B3GALNT1: variants seen among roughly 807,000 people sequenced by gnomAD.
B3GALNT1 encodes the protein beta-1,3-N-acetylgalactosaminyltransferase 1 (Globoside blood group).
In B3GALNT1, 17 loss-of-function variants were observed where a neutral mutation model predicts 27.3. The ratio of observed to expected loss-of-function variants is 0.62; its 90% CI spans 0.43 to 0.94. The LOEUF is 0.94. B3GALNT1 is among the 40% of genes least tolerant of loss of function. The pLI, the probability that B3GALNT1 is intolerant of heterozygous loss-of-function variation, is 0.00. For synonymous variants in B3GALNT1, 141 were observed against 144.0 expected (o/e 0.98, Z 0.15); for missense variants, 347 against 390.0 (o/e 0.89, Z 0.93).
intron 3 of B3GALNT1, chr3:161,103,038 A>G (rs1732219679): frequency 6.6e-6 from 1 of 152,220 alleles, no homozygotes; most frequent in Non-Finnish European, 1.5e-5. Context: ...GTTTTCCTGA[A>G]GAACCATGGT....
chr3:161,086,698 T>C lies in B3GALNT1; in HGVS notation c.57A>G (p.Lys19=). The change falls in exon 5 of 5, where the codon AAA becomes AAG. Residue 19 remains lysine, a synonymous_variant. Transcript: ENST00000320474. ...GGAGTGACAGCAGCAGGAGGCTCCA[T>C]TTGAGGGATCTCAGTGACATCCTAC... ...LPSRMSLRSL[K]WSLLLLSLLS... The C allele has an allele frequency of 1.2e-6, 2 of 1,614,138 alleles. No individual in the cohort carries two copies. The highest frequency in any genetic ancestry group is 1.7e-6 in the Non-Finnish European group (2 of 1,180,018).
intron 2 of B3GALNT1, 176 bp downstream of exon 2, chr3:161,104,143 G>A (rs1733007667): frequency 2.6e-6 from 1 of 378,698 alleles, no homozygotes; most frequent in Admixed American, 4.0e-5. Flanking sequence ...TTATCTGTTA[G>A]TAATAAACGA....
chr3:161,096,098 A>G (rs142434902), intron 4 of B3GALNT1, among the ~76,000 whole-genome samples: 2 of 152,360 alleles, frequency 1.3e-5, no homozygotes, highest in East Asian at 1.9e-4. Flanking sequence ...ATTCACTGCT[A>G]TATGTCCAGT....
intron 4 of B3GALNT1, among the ~76,000 whole-genome samples, chr3:161,093,552 A>T (rs545617069): frequency 9.2e-5 from 14 of 152,330 alleles, no homozygotes; most frequent in African/African-American, 3.4e-4. Context: ...CAGGGGAGGG[A>T]CGGAGAGAAG....
At chr3:161,097,385 A>T (rs558602121) in intron 4 of B3GALNT1, among the ~76,000 whole-genome samples, 5 of 152,244 alleles carry the variant, frequency 3.3e-5, no homozygotes, top group African/African-American at 1.2e-4. Context: ...TCCTTTACAA[A>T]CCTTGCTCCT....
At chr3:161,105,022 G>C (rs925793758) in intron 1 of B3GALNT1, 1 of 152,390 alleles carries the variant, frequency 6.6e-6, no homozygotes, top group Admixed American at 6.5e-5. Context: ...GCAGCTGCTC[G>C]TCACCGAGAC....
At chr3:161,101,644 G>C (rs994569637) in intron 3 of B3GALNT1, among the ~76,000 whole-genome samples, 1 of 152,042 alleles carries the variant, frequency 6.6e-6, no homozygotes, top group Non-Finnish European at 1.5e-5. Context: ...AGAGAACATG[G>C]GGGAGGCTTT....
In B3GALNT1 at chr3:161,086,130, G is replaced by C; in HGVS notation, c.625C>G (p.Leu209Val). 6.2e-7 allele frequency: 1 copy of C among 1,609,700 alleles called. No individual in the cohort carries two copies. Among genetic ancestry groups the C allele is most frequent in the Non-Finnish European group, 8.5e-7 (1 of 1,178,112 alleles). Residue 209 changes from leucine to valine, a missense_variant, in exon 5 of 5, where the codon CTA becomes GTA. Physicochemically the swap from Leu to Val is conservative, Grantham distance 32. Coordinates refer to ENST00000320474, the MANE Select transcript of B3GALNT1 (RefSeq NM_003781.4). ...HSEKFFTGYP[L>V]IDNYSYRGFY... ...CCTCTATAGGAATAATTATCAATTA[G>C]AGGATAACCTGTGAAAAACTTCTCT... is the stretch of plus-strand genomic sequence containing the variant.
At chr3:161,101,665 T>C (rs989455014) in intron 3 of B3GALNT1, among the ~76,000 whole-genome samples, 28 of 152,032 alleles carry the variant, frequency 1.8e-4, no homozygotes, top group African/African-American at 5.6e-4. Context: ...CCAGCTCAAA[T>C]GTTTCTAAAC....
chr3:161,103,375 G>T (rs1732445362), intron 3 of B3GALNT1, 52 bp downstream of exon 3: 1 of 866,900 alleles, frequency 1.2e-6, no homozygotes, highest in Non-Finnish European at 1.6e-6. Flanking sequence ...CATTATTATG[G>T]GCATTTTTAA....
At chr3:161,099,444 G>A (rs1187567709) in intron 4 of B3GALNT1, among the ~76,000 whole-genome samples, 2 of 152,186 alleles carry the variant, frequency 1.3e-5, no homozygotes, top group Non-Finnish European at 2.9e-5. Flanking sequence ...AGGATGGGGG[G>A]CCATTTTAAC....
At chr3:161,087,294 A>C (rs1194934053) in intron 4 of B3GALNT1, among the ~76,000 whole-genome samples, 1 of 152,216 alleles carries the variant, frequency 6.6e-6, no homozygotes, top group Non-Finnish European at 1.5e-5. Flanking sequence ...AAATCTGGAT[A>C]AGAAAAACCC....
rs769261665 is a variant in B3GALNT1, at chr3:161,086,426, T to A, written c.329A>T (p.Tyr110Phe). Residue 110 changes from tyrosine to phenylalanine, a missense_variant, in exon 5 of 5, where the codon TAT (tyrosine) becomes TTT (phenylalanine). Tyr to Phe is a conservative substitution (Grantham distance 22). Coordinates refer to ENST00000320474, the MANE Select transcript of B3GALNT1 (RefSeq NM_003781.4). Reference protein sequence around the residue: ...TWGEKKSWWGYEVLTFFLLGQ... With the variant: ...TWGEKKSWWGFEVLTFFLLGQ... ...TAATAAGAAAAATGTAAGAACCTCA[T>A]ATCCCCACCAAGACTTTTTTTCACC... 1.9e-6 allele frequency: 3 copies of A among 1,613,912 alleles called. No homozygotes were observed. The highest frequency in any genetic ancestry group is 1.7e-6 in the Non-Finnish European group (2 of 1,180,022).
chr3:161,092,864 A>G (rs1726040212), intron 4 of B3GALNT1, among the ~76,000 whole-genome samples: 1 of 139,700 alleles, frequency 7.2e-6, no homozygotes, highest in Non-Finnish European at 1.5e-5. Flanking sequence ...GGTTCACACC[A>G]TTCTCCTGCC....
At chr3:161,100,536 A>G (rs1469751717) in intron 4 of B3GALNT1, among the ~76,000 whole-genome samples, 2 of 152,220 alleles carry the variant, frequency 1.3e-5, no homozygotes, top group African/African-American at 4.8e-5. Context: ...GAGTTTTTAA[A>G]GACACATGTA....
chr3:161,102,260 C>T (rs969376709), intron 3 of B3GALNT1, among the ~76,000 whole-genome samples: 2 of 152,152 alleles, frequency 1.3e-5, no homozygotes, highest in South Asian at 2.1e-4. Flanking sequence ...ACCTACCTAC[C>T]TGTGTTCAGA....
At chr3:161,086,900 A>G (rs1722348602) in intron 4 of B3GALNT1, 112 bp from the exon 5 acceptor site, 1 of 1,177,936 alleles carries the variant, frequency 8.5e-7, no homozygotes, top group Non-Finnish European at 1.2e-6. Flanking sequence ...TCTCCAGAGT[A>G]AAACAAAAAA....
intron 4 of B3GALNT1, among the ~76,000 whole-genome samples, chr3:161,088,955 G>A (rs1723501844): frequency 6.6e-6 from 1 of 152,110 alleles, no homozygotes; most frequent in Admixed American, 6.5e-5. Context: ...TATCATTTAT[G>A]GACCCATGAA....
Position 161,086,072 on chromosome 3 carries a change from T to C in B3GALNT1, c.683A>G (p.Glu228Gly). 1 of 1,596,786 alleles carries C rather than the reference T, an allele frequency of 6.3e-7. No individual in the cohort carries two copies. Among genetic ancestry groups the C allele is most frequent in the Non-Finnish European group, 8.5e-7 (1 of 1,172,642 alleles). The change falls in exon 5 of 5, where the codon GAG becomes GGG. Residue 228 changes from glutamate to glycine, a missense_variant. Transcript: ENST00000320474. ...FYQKTHISYQ[E>G]YPFKVFPPYC... ...TGGAGGGAACACCTTGAAAGGATAC[T>C]CCTGGTAAGAAATATGGGTTTTTTG...
Sources: gnomAD v4.1 joint callset for allele counts (sites outside exome capture counted in the v4.1 genomes callset) on GRCh38, gnomAD v4.1.1 for gene constraint, MANE v1.5 for transcripts, NCBI Gene and HGNC (gene_info 2026-07-23, HGNC 2026-07-21) for gene names.